SREBF2: variants seen among roughly 807,000 people sequenced by gnomAD.
The protein encoded by SREBF2 is sterol regulatory element-binding protein 2.
SREBF2 carries 55 observed loss-of-function variants against 113.1 expected under a neutral mutation model. That is an observed-to-expected ratio of 0.49 (90% confidence interval 0.39 to 0.61). The LOEUF (loss-of-function observed/expected upper bound fraction) is 0.61. Among genes scored for constraint, SREBF2 ranks in the 20% least tolerant of loss-of-function variants. The pLI is 0.00. For synonymous variants in SREBF2, 593 were observed against 605.7 expected (o/e 0.98, Z 0.31); for missense variants, 1,349 against 1,487.4 (o/e 0.91, Z 1.53).
intron 1 of SREBF2, among the ~76,000 whole-genome samples, chr22:41,838,761 T>C (rs966294890): frequency 2.5e-4 from 38 of 151,708 alleles, no homozygotes; most frequent in Admixed American, 1.9e-3. Context: ...GAAAAGAAAA[T>C]TGAACGGTGG....
intron 13 of SREBF2, among the ~76,000 whole-genome samples, chr22:41,896,434 A>C (rs2077417425): frequency 1.3e-5 from 2 of 152,070 alleles, no homozygotes; most frequent in Admixed American, 1.3e-4. Flanking sequence ...GTCTTGGCTC[A>C]CTGCAACCTC....
At chr22:41,874,121 C>A in intron 5 of SREBF2, 102 bp downstream of exon 5, 4 of 1,195,652 alleles carry the variant, frequency 3.3e-6, no homozygotes, top group Non-Finnish European at 4.9e-6. Flanking sequence ...TAAGTGAATA[C>A]AAGACCGAGT....
intron 11 of SREBF2, among the ~76,000 whole-genome samples, chr22:41,889,210 C>A (rs977080312): frequency 1.1e-4 from 17 of 152,174 alleles, no homozygotes; most frequent in African/African-American, 4.1e-4. Flanking sequence ...ACTCTAGCCT[C>A]AACCTCTCTG....
chr22:41,903,108 G>C lies in SREBF2; in HGVS notation c.3046G>C (p.Gly1016Arg). The C allele has an allele frequency of 1.3e-6, 2 of 1,567,998 alleles. No homozygotes were observed. The highest frequency in any genetic ancestry group is 1.7e-6 in the Non-Finnish European group (2 of 1,156,490). The change falls in exon 17 of 19, where the codon GGC becomes CGC. Residue 1016 changes from glycine (G) to arginine (R), a missense_variant. This residue lies in a region of SREBF2 where 650 missense variants were observed against 644.1 expected (regional missense o/e 1.01). Transcript: ENST00000361204. ...AELAGFQRDL[G>R]SLRRLAHSFR... ...ACTGGCGGGCTTCCAACGGGACCTG[G>C]GCAGCCTGCGCAGGCTGGCACACAG...
At position 41,877,343 on chromosome 22, in the gene SREBF2, C is replaced by G. The variant is rs2077205784; in HGVS notation, c.1501C>G (p.Leu501Val). ...CLSFNPLTSL[L>V]QWGGAHDSDQ... is the part of the protein sequence containing the mutation. ...CTCCTTTAACCCCCTGACTTCCCTG[C>G]TGCAGTGGGGAGGGGCCCACGACTC... Residue 501 changes from leucine to valine, a missense_variant, in exon 8 of 19, where the codon CTG becomes GTG. Physicochemically the swap from Leu to Val is conservative, Grantham distance 32. Coordinates refer to ENST00000361204, the MANE Select transcript of SREBF2 (RefSeq NM_004599.4). The G allele has an allele frequency of 1.2e-6, 2 of 1,614,086 alleles. No individual in the cohort carries two copies. Among genetic ancestry groups the G allele is most frequent in the African/African-American group, 2.7e-5 (2 of 74,928 alleles).
intron 7 of SREBF2, among the ~76,000 whole-genome samples, chr22:41,876,404 A>ATAC (rs1202044802): frequency 6.6e-6 from 1 of 152,196 alleles, no homozygotes; most frequent in Non-Finnish European, 1.5e-5. Flanking sequence ...TCCATTTTTG[A>ATAC]AATATTCTTA....
Position 41,900,628 on chromosome 22 carries a change from CTTTCAAAAAAGTTACG to C in SREBF2, c.2907+131_2907+146del, listed in dbSNP as rs1022616107. 1.1e-5 allele frequency: 11 copies of C among 992,858 alleles called. No individual in the cohort carries two copies. In the African/African-American group the frequency reaches 1.8e-4, roughly 16 times the overall value. 61.5% of individuals were successfully genotyped at this position (992,858 alleles called of 1,614,324 possible). A position where few individuals can be genotyped will look rare whatever the true frequency, so the allele number is the denominator to read the frequency against. On this transcript the variant is annotated intron_variant, in intron 16 of 18. Coordinates refer to ENST00000361204, the MANE Select transcript of SREBF2 (RefSeq NM_004599.4). ...ACAGAGAAACCAGGACAGCAGCCCC[CTTTCAAAAAAGTTACG>C]GCTTATTGGCCTAGGTGGACTCCTT...
chr22:41,905,732 G>C lies in SREBF2; in HGVS notation c.*72G>C. ...CTCCCCCTCAGCATCTTCCCGCTGAGAGTGGTGGGGAAGAGCCTTGTCTTC... is the reference window on the plus strand; with the variant it reads ...CTCCCCCTCAGCATCTTCCCGCTGACAGTGGTGGGGAAGAGCCTTGTCTTC... On this transcript the variant is annotated 3_prime_UTR_variant, in exon 19 of 19. Coordinates refer to ENST00000361204, the MANE Select transcript of SREBF2 (RefSeq NM_004599.4). 1 of 1,475,848 alleles carries C rather than the reference G, an allele frequency of 6.8e-7. No individual in the cohort carries two copies. Among genetic ancestry groups the C allele is most frequent in the Admixed American group, 2.0e-5 (1 of 50,920 alleles). The allele number at this position is 1,475,848 out of a possible 1,614,324, so 91.4% of individuals were successfully genotyped here.
chr22:41,865,550 A>G (rs897769494), intron 1 of SREBF2, among the ~76,000 whole-genome samples: 1 of 152,120 alleles, frequency 6.6e-6, no homozygotes, highest in Admixed American at 6.5e-5. Context: ...TTGACCAGGG[A>G]AGAGGCCCTG....
intron 7 of SREBF2, among the ~76,000 whole-genome samples, chr22:41,876,144 G>T (rs1007509837): frequency 6.6e-6 from 1 of 152,224 alleles, no homozygotes; most frequent in Non-Finnish European, 1.5e-5. Context: ...ATTACAATTT[G>T]CAGTCTAACA....
intron 4 of SREBF2, 72 bp downstream of exon 4, chr22:41,871,107 T>C: frequency 6.3e-7 from 1 of 1,576,132 alleles, no homozygotes; most frequent in Non-Finnish European, 8.7e-7. Flanking sequence ...TCAGAGATGT[T>C]AAATCTCTAT....
intron 16 of SREBF2, among the ~76,000 whole-genome samples, chr22:41,902,257 G>A (rs959505399): frequency 1.3e-5 from 2 of 152,188 alleles, no homozygotes; most frequent in East Asian, 1.9e-4. Context: ...ACTGCGAGCC[G>A]GGTGGGCAGC....
In SREBF2 at chr22:41,877,327, C is replaced by T. The variant is rs1351008870; in HGVS notation, c.1485C>T (p.Asn495=). The T allele has an allele frequency of 6.2e-7, 1 of 1,614,194 alleles. No individual in the cohort carries two copies. Among genetic ancestry groups the T allele is most frequent in the South Asian group, 1.1e-5 (1 of 91,084 alleles). ...CVLTFLCLSF[N]PLTSLLQWGG... ...TCACCTTCCTGTGCCTCTCCTTTAA[C>T]CCCCTGACTTCCCTGCTGCAGTGGG... The change falls in exon 8 of 19, where the codon AAC becomes AAT. Residue 495 remains asparagine (N), a synonymous_variant. Coordinates refer to ENST00000361204, the MANE Select transcript of SREBF2 (RefSeq NM_004599.4).
intron 1 of SREBF2, among the ~76,000 whole-genome samples, chr22:41,846,819 G>A (rs2076880425): frequency 6.6e-6 from 1 of 152,144 alleles, no homozygotes; most frequent in African/African-American, 2.4e-5. Context: ...TCCTTTCTCT[G>A]CTCTCTGACA....
chr22:41,893,073 A>C, intron 11 of SREBF2, 44 bp from the exon 12 acceptor site: 1 of 1,609,326 alleles, frequency 6.2e-7, no homozygotes. Flanking sequence ...TGCAGCCAGC[A>C]TTCTGCCACC....
At position 41,880,957 on chromosome 22, in the gene SREBF2, T is replaced by A; in HGVS notation, c.2003T>A (p.Leu668Gln). 1 of 1,610,954 alleles carries A rather than the reference T, an allele frequency of 6.2e-7. No individual in the cohort carries two copies. Among genetic ancestry groups the A allele is most frequent in the Non-Finnish European group, 8.5e-7 (1 of 1,179,996 alleles). ...AAGACCAGCGCCCGGGATGCGGCTCTGGCCTATCACCGGCTGCACCAGCTG... is the reference window on the plus strand; with the variant it reads ...AAGACCAGCGCCCGGGATGCGGCTCAGGCCTATCACCGGCTGCACCAGCTG... Reference protein sequence around the residue: ...EAKTSARDAALAYHRLHQLHI... With the variant: ...EAKTSARDAAQAYHRLHQLHI... Residue 668 changes from leucine to glutamine, a missense_variant, in exon 10 of 19, where the codon CTG becomes CAG. By Grantham distance (113) the Leu-to-Gln change is moderately radical (BLOSUM62 -2). This residue lies in a region of SREBF2 where 650 missense variants were observed against 644.1 expected (regional missense o/e 1.01). Coordinates refer to ENST00000361204, the MANE Select transcript of SREBF2 (RefSeq NM_004599.4).
intron 1 of SREBF2, among the ~76,000 whole-genome samples, chr22:41,866,600 G>T (rs1017330035): frequency 2.6e-5 from 4 of 152,024 alleles, no homozygotes; most frequent in African/African-American, 9.7e-5. Context: ...GGAGGTGAGT[G>T]TGAGGAGGGA....
At position 41,843,432 on chromosome 22, in the gene SREBF2, G is replaced by T. The variant is rs184276375; in HGVS notation, c.88+10074G>T. On this transcript the variant is annotated intron_variant, in intron 1 of 18. Coordinates refer to ENST00000361204, the MANE Select transcript of SREBF2 (RefSeq NM_004599.4). ...TGTATGGCCTTGGGTGCCAGGCACC[G>T]TTCCATGCCTTAACCTACATTCGTC... is the stretch of plus-strand genomic sequence containing the variant. Among the ~76,000 whole-genome samples, 28 of 152,338 alleles carry T rather than the reference G, an allele frequency of 1.8e-4. No individual in the cohort carries two copies. In the East Asian group the frequency reaches 5.0e-3, roughly 27 times the overall value.
intron 11 of SREBF2, among the ~76,000 whole-genome samples, chr22:41,887,820 C>T (rs770358101): frequency 3.7e-4 from 56 of 151,814 alleles, no homozygotes; most frequent in Admixed American, 2.5e-3. Context: ...ACATCCTTAC[C>T]GAACACATAT....
Sources: allele counts gnomAD v4.1 joint callset (sites outside exome capture counted in the v4.1 genomes callset), GRCh38; gene constraint gnomAD v4.1.1; regional missense constraint gnomAD v4.1.1; transcripts MANE v1.5; gene names NCBI Gene and HGNC (gene_info 2026-07-23, HGNC 2026-07-21).